SLC2A14: variants seen among roughly 807,000 people sequenced by gnomAD.
SLC2A14 encodes the protein solute carrier family 2 member 14, also known as solute carrier family 2, facilitated glucose transporter member 14.
Under a neutral mutation model 43.0 loss-of-function variants are expected in SLC2A14, and 13 were observed. The observed-to-expected ratio is 0.30, with a 90% CI of 0.20 to 0.48. SLC2A14 has a LOEUF of 0.48. Among genes scored for constraint, SLC2A14 ranks in the 20% least tolerant of loss-of-function variants. The probability of loss-of-function intolerance (pLI) is 0.99; values close to 1 mark genes in which losing one functional copy is unlikely to be tolerated. For missense variants in SLC2A14, 428 were observed against 620.4 expected (o/e 0.69, Z 3.29); for synonymous variants, 190 against 233.8 (o/e 0.81, Z 1.71).
chr12:7,878,302 C>T (rs1010106295), upstream of SLC2A14, among the ~76,000 whole-genome samples: 2 of 151,940 alleles, frequency 1.3e-5, no homozygotes, highest in African/African-American at 4.8e-5. Context: ...CTGCCTGCCT[C>T]AGCCTCCCAA....
At chr12:7,817,345 C>T (rs1020837628) in intron 10 of SLC2A14, among the ~76,000 whole-genome samples, 1 of 152,034 alleles carries the variant, frequency 6.6e-6, no homozygotes, top group African/African-American at 2.4e-5. Context: ...TACCTCCCGA[C>T]CTCAGGTGAT....
chr12:7,829,641 C>A, intron 5 of SLC2A14, 125 bp downstream of exon 5: 1 of 1,345,958 alleles, frequency 7.4e-7, no homozygotes, highest in East Asian at 2.4e-5. Flanking sequence ...CAGCTACTAT[C>A]TATTATCTAA....
intron 1 of SLC2A14, among the ~76,000 whole-genome samples, chr12:7,888,665 G>A (rs1022851369): frequency 6.6e-6 from 1 of 151,900 alleles, no homozygotes; most frequent in South Asian, 2.1e-4. Flanking sequence ...AGGCGTGGTG[G>A]TGCATGCCTG....
At chr12:7,891,074 T>C in exon 1 of SLC2A14, 8 of 1,535,124 alleles carry the variant, frequency 5.2e-6, no homozygotes, top group East Asian at 2.4e-5. Flanking sequence ...GCATTTCATC[T>C]CCTTGTTTCA....
At chr12:7,871,092 G>A in intron 1 of SLC2A14, 1 of 1,362,220 alleles carries the variant, frequency 7.3e-7, no homozygotes, top group Non-Finnish European at 9.7e-7. Context: ...AGGCCCCAGG[G>A]CCCATCAACT....
chr12:7,850,232 G>A (rs975179719), intron 2 of SLC2A14, among the ~76,000 whole-genome samples: 2 of 152,032 alleles, frequency 1.3e-5, no homozygotes, highest in Admixed American at 1.3e-4. Context: ...TGGGAAGGCT[G>A]GGGAATGGTG....
rs144567923 is a variant in SLC2A14 at position 7,817,837 on chromosome 12, A to G, written c.1269T>C (p.Ser423=). 1.4e-4 allele frequency: 225 copies of G among 1,614,006 alleles called. No individual in the cohort carries two copies. Among genetic ancestry groups the G allele is most frequent in the East Asian group, 8.2e-4 (37 of 44,872 alleles). The change falls in exon 10 of 11, where the codon TCT becomes TCC. Residue 423 remains serine (S), a synonymous_variant. Transcript: ENST00000431042. ...SNFLVGLLFP[S]AAYYLGAYVF... ...ATAAGGTGAGTTTACTTACAGCAGC[A>G]GAGGGGAAGAGCAATCCGACTAGGA...
chr12:7,862,264 CAAAAAAAAAAAAA>C (rs71038792), intron 2 of SLC2A14, among the ~76,000 whole-genome samples: 2 of 58,922 alleles, frequency 3.4e-5, no homozygotes, highest in Admixed American at 2.1e-4. Context: ...ACTTGTCTCT[CAAAAAAAAAAAAA>C]AAAAAAAAAA....
At chr12:7,875,086 C>A (rs74195341), upstream of SLC2A14, among the ~76,000 whole-genome samples, 100,475 of 117,558 alleles carry the variant, frequency 0.85, 43,276 homozygotes, top group South Asian at 0.95. Context: ...ATTTAATATT[C>A]TATTTAAATT....
chr12:7,875,591 CAG>C (rs1945450380), upstream of SLC2A14, among the ~76,000 whole-genome samples: 1 of 151,898 alleles, frequency 6.6e-6, no homozygotes, highest in Non-Finnish European at 1.5e-5. Flanking sequence ...TCCTAAACCC[CAG>C]TGTGATGGTA....
At position 7,812,629 on chromosome 12, in the gene SLC2A14, C is replaced by A. The variant is rs147546883; in HGVS notation, c.*1687G>T. ...GAGAAATAGGAAAACAACTTCCCTG[C>A]CTTACTGCCAAACTGAGGAGCCAGA... On this transcript the variant is annotated 3_prime_UTR_variant, in exon 11 of 11. Transcript: ENST00000431042. The A allele has an allele frequency of 5.6e-4, 86 of 152,278 alleles. No individual in the cohort carries two copies. The highest frequency in any genetic ancestry group is 2.0e-3 in the African/African-American group (83 of 41,544). The allele number at this position is 152,278 out of a possible 1,614,324, so 9.4% of individuals were successfully genotyped here.
At chr12:7,815,342 G>C (rs1863342180) in intron 10 of SLC2A14, among the ~76,000 whole-genome samples, 1 of 152,050 alleles carries the variant, frequency 6.6e-6, no homozygotes, top group South Asian at 2.1e-4. Context: ...CTTGATCCCA[G>C]GAGGCAGAGG....
intron 2 of SLC2A14, among the ~76,000 whole-genome samples, chr12:7,851,076 A>G (rs189887078): frequency 1.3e-5 from 2 of 152,250 alleles, no homozygotes; most frequent in East Asian, 3.8e-4. Flanking sequence ...TCTGCAAGCA[A>G]TCTTCCCTCA....
At chr12:7,874,563 TCCGG>T (rs1286502355), upstream of SLC2A14, among the ~76,000 whole-genome samples, 16 of 150,992 alleles carry the variant, frequency 1.1e-4, no homozygotes, top group Non-Finnish European at 5.9e-5. Flanking sequence ...TCCCAGCTAC[TCCGG>T]AGACTGAGGC....
At chr12:7,822,875 CCCTCAAAACACTGATA>C (rs1293397336) in intron 7 of SLC2A14, among the ~76,000 whole-genome samples, 1 of 152,104 alleles carries the variant, frequency 6.6e-6, no homozygotes, top group African/African-American at 2.4e-5. Context: ...CTTCCCCAAA[CCCTCAAAACACTGATA>C]GGCACATTGA....
chr12:7,815,825 C>A (rs1863391768), intron 10 of SLC2A14, among the ~76,000 whole-genome samples: 2 of 152,016 alleles, frequency 1.3e-5, no homozygotes, highest in Non-Finnish European at 2.9e-5. Flanking sequence ...ATCCTCTCGC[C>A]TTGGTCTCCC....
chr12:7,821,848 G>C (rs1446920743), intron 7 of SLC2A14, among the ~76,000 whole-genome samples: 1 of 116,548 alleles, frequency 8.6e-6, no homozygotes, highest in Non-Finnish European at 1.7e-5. Context: ...TTTTTGAGAT[G>C]GAGTCTCTCT....
chr12:7,872,035 T>C (rs143312288), intron 1 of SLC2A14: 111 of 406,688 alleles, frequency 2.7e-4, no homozygotes, highest in African/African-American at 2.2e-3. Flanking sequence ...TCAGATTAAT[T>C]CTTCTTAAAA....
chr12:7,853,429 CAAA>C (rs35414391), intron 2 of SLC2A14, among the ~76,000 whole-genome samples: 2 of 84,598 alleles, frequency 2.4e-5, no homozygotes, highest in Non-Finnish European at 4.3e-5. Flanking sequence ...GACTCCATTT[CAAA>C]AAAAAAAAAA....
Sources: allele counts gnomAD v4.1 joint callset (sites outside exome capture counted in the v4.1 genomes callset), GRCh38; gene constraint gnomAD v4.1.1; transcripts MANE v1.5; gene names NCBI Gene and HGNC (gene_info 2026-07-23, HGNC 2026-07-21).